Variants in SLC35A3 observed in about 807,000 individuals in gnomAD.
SLC35A3 encodes solute carrier family 35 member A3.
A neutral mutation model predicts 39.0 loss-of-function variants in SLC35A3; 26 were observed. That is an observed-to-expected ratio of 0.67 (90% CI 0.49 to 0.92). SLC35A3 has a LOEUF of 0.92. Ranked by LOEUF, SLC35A3 falls within the 40% of genes least tolerant of loss-of-function variation. SLC35A3 has a pLI of 0.00. For synonymous variants in SLC35A3, 135 were observed against 133.1 expected (o/e 1.01, Z -0.10); for missense variants, 299 against 371.6 (o/e 0.80, Z 1.61).
intron 2 of SLC35A3, among the ~76,000 whole-genome samples, chr1:99,997,760 T>A (rs1658510616): frequency 1.3e-5 from 2 of 151,944 alleles, no homozygotes; most frequent in South Asian, 4.1e-4. Context: ...GTAGCAGCAT[T>A]GTATTAACAG....
At chr1:100,007,704 G>A (rs1198104978) in intron 4 of SLC35A3, 1 of 152,192 alleles carries the variant, frequency 6.6e-6, no homozygotes, top group Admixed American at 6.6e-5. Context: ...AAGTGACGGG[G>A]TCTCACTGTG....
intron 1 of SLC35A3, among the ~76,000 whole-genome samples, chr1:99,982,785 T>C (rs946067649): frequency 2.0e-5 from 3 of 152,202 alleles, no homozygotes; most frequent in African/African-American, 4.8e-5. Context: ...AATGAAATTT[T>C]CTTGTATATT....
At chr1:99,979,575 A>G (rs151244619) in intron 1 of SLC35A3, among the ~76,000 whole-genome samples, 7,465 of 151,018 alleles carry the variant, frequency 0.049, 214 homozygotes, top group African/African-American at 0.076. Flanking sequence ...CTGGGACTAC[A>G]GGCGCCCGCC....
chr1:100,015,157 CAAAAAAA>C (rs760381564), intron 5 of SLC35A3, 138 bp from the exon 6 acceptor site: 22 of 454,586 alleles, frequency 4.8e-5, no homozygotes, highest in Middle Eastern at 7.1e-4. Flanking sequence ...GACTCCGTCT[CAAAAAAA>C]AAAAAAAAAA....
intron 3 of SLC35A3, among the ~76,000 whole-genome samples, chr1:100,006,827 C>T (rs1222091382): frequency 2.6e-5 from 4 of 152,216 alleles, no homozygotes; most frequent in Admixed American, 2.0e-4. Flanking sequence ...ATTCATTTTG[C>T]ATTATTGCCT....
At chr1:100,020,438 C>G (rs1278429885) in intron 7 of SLC35A3, among the ~76,000 whole-genome samples, 1 of 152,166 alleles carries the variant, frequency 6.6e-6, no homozygotes, top group Non-Finnish European at 1.5e-5. Context: ...CTAAGGAAGA[C>G]AGTGTCTAGT....
chr1:99,991,986 A>G (rs1451603412), intron 1 of SLC35A3, among the ~76,000 whole-genome samples: 1 of 152,122 alleles, frequency 6.6e-6, no homozygotes. Context: ...TGACCTCATG[A>G]TCTACCTGCC....
intron 1 of SLC35A3, among the ~76,000 whole-genome samples, chr1:99,983,521 A>G (rs1173292335): frequency 6.7e-6 from 1 of 149,792 alleles, no homozygotes; most frequent in African/African-American, 2.5e-5. Context: ...CCTGGGCGAC[A>G]AAGCGAGACT....
intron 1 of SLC35A3, among the ~76,000 whole-genome samples, chr1:99,981,251 C>G (rs547388788): frequency 3.3e-5 from 5 of 152,226 alleles, no homozygotes; most frequent in Admixed American, 1.3e-4. Context: ...TTGCATAGCA[C>G]TTTGTAACTT....
intron 4 of SLC35A3, chr1:100,007,361 TA>T: frequency 2.3e-6 from 1 of 428,782 alleles, no homozygotes; most frequent in Non-Finnish European, 4.1e-6. Flanking sequence ...AAAATAAAAT[TA>T]TATTACCTAC....
At chr1:100,021,174 C>A (rs938112298) in intron 7 of SLC35A3, among the ~76,000 whole-genome samples, 2 of 151,772 alleles carry the variant, frequency 1.3e-5, no homozygotes, top group Non-Finnish European at 2.9e-5. Flanking sequence ...ACCAGCCTGG[C>A]CAACATGGTG....
intron 1 of SLC35A3, chr1:99,978,802 T>C (rs963912327): frequency 3.3e-5 from 5 of 152,230 alleles, no homozygotes; most frequent in Non-Finnish European, 7.3e-5. Flanking sequence ...GAGTGCATAC[T>C]GTGTGCAAGG....
At chr1:100,015,782 C>A (rs1660060105) in intron 6 of SLC35A3, 1 of 214,582 alleles carries the variant, frequency 4.7e-6, no homozygotes, top group South Asian at 1.8e-4. Flanking sequence ...ATATTTAATT[C>A]TGTGACAGTT....
At chr1:99,980,285 T>C (rs1347114299) in intron 1 of SLC35A3, among the ~76,000 whole-genome samples, 1 of 152,092 alleles carries the variant, frequency 6.6e-6, no homozygotes, top group African/African-American at 2.4e-5. Context: ...CTGTTGTAAG[T>C]GGTGGGAAGT....
intron 7 of SLC35A3, among the ~76,000 whole-genome samples, chr1:100,019,196 G>T (rs765600306): frequency 6.6e-6 from 1 of 151,144 alleles, no homozygotes; most frequent in Admixed American, 6.6e-5. Flanking sequence ...TAAGGCCGAG[G>T]TAATTAAATC....
chr1:99,970,973 G>C lies in SLC35A3; in HGVS notation c.-19+811G>C, dbSNP rs538065178. 7.1e-4 allele frequency among the ~76,000 whole-genome samples: 108 copies of C among 152,182 alleles called. 1 individual carries two copies. The highest frequency in any genetic ancestry group is 2.5e-3 in the African/African-American group (105 of 41,536). On this transcript the variant is annotated intron_variant, in intron 1 of 7. Transcript: ENST00000533028. ...CTATCTCTTCAGCATCTCAAATTTA[G>C]TTCTCCCCTTTTTCATTCCCACTAC...
Position 99,999,805 on chromosome 1 carries a change from C to G in SLC35A3, c.342+390C>G, listed in dbSNP as rs966315608. ...GCTCTCTACCTCCATGAGATCCCCC[C>G]GCTCCCTTTTTTTTTTTAGCTTCCA... On this transcript the variant is annotated intron_variant, in intron 3 of 7. Transcript: ENST00000533028. 4.0e-5 allele frequency among the ~76,000 whole-genome samples: 6 copies of G among 151,642 alleles called. No individual in the cohort carries two copies. The Admixed American group carries it at 4.0e-4, about 10-fold the overall frequency.
intron 1 of SLC35A3, among the ~76,000 whole-genome samples, chr1:99,982,784 T>G (rs1229179464): frequency 1.3e-5 from 2 of 152,186 alleles, no homozygotes; most frequent in Admixed American, 1.3e-4. Context: ...GAATGAAATT[T>G]TCTTGTATAT....
chr1:100,006,973 C>G (rs538804779), intron 3 of SLC35A3, 61 bp from the exon 4 acceptor site: 1 of 1,504,262 alleles, frequency 6.6e-7, no homozygotes, highest in African/African-American at 1.4e-5. Context: ...TCTAATAGTA[C>G]TCTTAAGGAA....
Sources: allele counts gnomAD v4.1 joint callset (sites outside exome capture counted in the v4.1 genomes callset), GRCh38; gene constraint gnomAD v4.1.1; transcripts MANE v1.5; gene names NCBI Gene and HGNC (gene_info 2026-07-23, HGNC 2026-07-21).